The following MCHR2 variants were observed in gnomAD, a reference collection of about 807,000 sequenced individuals.
The protein encoded by MCHR2 is melanin-concentrating hormone receptor 2.
MCHR2 carries 15 observed loss-of-function variants against 24.8 expected under a neutral mutation model. The ratio of observed to expected loss-of-function variants is 0.60; its 90% CI spans 0.40 to 0.93. MCHR2 has a LOEUF of 0.93. Among genes scored for constraint, MCHR2 ranks in the 40% least tolerant of loss-of-function variants. The probability of loss-of-function intolerance (pLI) is 0.00; values close to 1 mark genes in which losing one functional copy is unlikely to be tolerated. For synonymous variants in MCHR2, 151 were observed against 147.6 expected, an observed-to-expected ratio of 1.02 and a Z score of -0.17; for missense variants, 386 against 408.7, an observed-to-expected ratio of 0.94 and a Z score of 0.48.
intron 2 of MCHR2, among the ~76,000 whole-genome samples, chr6:99,949,734 C>T (rs766466546): frequency 3.9e-5 from 6 of 151,972 alleles, no homozygotes; most frequent in Non-Finnish European, 7.4e-5. Flanking sequence ...GAGCTTGGTG[C>T]CTCACACCAG....
At chr6:99,976,494 C>T (rs1266064525) in intron 1 of MCHR2, among the ~76,000 whole-genome samples, 1 of 152,218 alleles carries the variant, frequency 6.6e-6, no homozygotes, top group African/African-American at 2.4e-5. Flanking sequence ...AGCAGAACTG[C>T]TGTAGGCCCT....
intron 1 of MCHR2, among the ~76,000 whole-genome samples, chr6:99,990,554 A>T (rs1462603765): frequency 1.3e-5 from 2 of 152,212 alleles, no homozygotes; most frequent in East Asian, 3.8e-4. Context: ...AATGTACGGT[A>T]AAGTTATTTG....
intron 1 of MCHR2, among the ~76,000 whole-genome samples, chr6:99,970,548 A>C (rs905576451): frequency 6.6e-6 from 1 of 152,160 alleles, no homozygotes; most frequent in African/African-American, 2.4e-5. Flanking sequence ...TTTGCTGTGC[A>C]GAAGCTCTTT....
rs3038469 is a variant in MCHR2 at position 99,991,808 on chromosome 6, C to CAAAAAAAA, written c.-28+2120_-28+2127dup. ...TGGGTGACAGAGTGAGACTCCGTCT[C>CAAAAAAAA]AAAAAAAAAAAAAAAAAAGAAAAGA... is the stretch of plus-strand genomic sequence containing the variant. On this transcript the variant is annotated intron_variant, in intron 1 of 5. Transcript: ENST00000281806. 4.2e-3 allele frequency among the ~76,000 whole-genome samples: 346 copies of CAAAAAAAA among 81,826 alleles called. 12 individuals carry two copies. Among genetic ancestry groups the CAAAAAAAA allele is most frequent in the Middle Eastern group, 9.3e-3 (1 of 108 alleles). The allele number at this position is 81,826 out of a possible 152,430, so 53.7% of individuals were successfully genotyped here.
intron 5 of MCHR2, among the ~76,000 whole-genome samples, chr6:99,928,878 A>G (rs1208441306): frequency 6.6e-6 from 1 of 152,146 alleles, no homozygotes; most frequent in Non-Finnish European, 1.5e-5. Context: ...GCCTTCTGCT[A>G]GCTTTTGAAT....
chr6:99,973,625 C>G (rs1430912130), intron 1 of MCHR2, among the ~76,000 whole-genome samples: 2 of 152,152 alleles, frequency 1.3e-5, no homozygotes, highest in South Asian at 4.1e-4. Context: ...GGTTATTTTG[C>G]TCATTAGTTG....
intron 5 of MCHR2, among the ~76,000 whole-genome samples, 157 bp from the exon 6 acceptor site, chr6:99,921,412 C>G (rs570390436): frequency 6.6e-6 from 1 of 152,074 alleles, no homozygotes; most frequent in Non-Finnish European, 1.5e-5. Context: ...GTGATATATT[C>G]TTTTTTATTC....
chr6:99,934,751 A>G (rs1470263100), intron 4 of MCHR2, among the ~76,000 whole-genome samples: 1 of 152,062 alleles, frequency 6.6e-6, no homozygotes, highest in Non-Finnish European at 1.5e-5. Context: ...CCCAACTCTA[A>G]TGAGTGTAGA....
chr6:99,966,727 G>T (rs928733607), intron 1 of MCHR2, among the ~76,000 whole-genome samples: 2 of 152,000 alleles, frequency 1.3e-5, no homozygotes, highest in African/African-American at 2.4e-5. Context: ...AAAAGTTTAA[G>T]CATTAGTATT....
chr6:99,934,570 AATT>A, intron 4 of MCHR2, 53 bp from the exon 5 acceptor site: 3 of 1,449,560 alleles, frequency 2.1e-6, no homozygotes, highest in Non-Finnish European at 2.7e-6. Flanking sequence ...CCATTACATT[AATT>A]GGATTAGGAA....
chr6:99,928,413 T>C (rs992847362), intron 5 of MCHR2, among the ~76,000 whole-genome samples: 2 of 152,150 alleles, frequency 1.3e-5, no homozygotes, highest in African/African-American at 4.8e-5. Context: ...GAAGGAATGG[T>C]ACCAGTTCCT....
chr6:99,945,428 A>G (rs552649809), intron 3 of MCHR2, among the ~76,000 whole-genome samples: 2 of 152,168 alleles, frequency 1.3e-5, no homozygotes, highest in East Asian at 3.9e-4. Flanking sequence ...ATATTTATAT[A>G]TTGTTTTTGT....
At chr6:99,989,244 C>T (rs1027867593) in intron 1 of MCHR2, among the ~76,000 whole-genome samples, 2 of 151,876 alleles carry the variant, frequency 1.3e-5, no homozygotes, top group African/African-American at 4.8e-5. Context: ...AGAGCATGAC[C>T]CTGTATCAAA....
chr6:99,957,654 A>G (rs1775091293), intron 1 of MCHR2, among the ~76,000 whole-genome samples: 1 of 152,134 alleles, frequency 6.6e-6, no homozygotes. Context: ...AAGAGAATTT[A>G]GTAAGTTTGC....
At chr6:99,978,292 A>T (rs1775593823) in intron 1 of MCHR2, among the ~76,000 whole-genome samples, 1 of 152,182 alleles carries the variant, frequency 6.6e-6, no homozygotes. Flanking sequence ...GAAGTATTGT[A>T]TTCAATGCAT....
intron 1 of MCHR2, among the ~76,000 whole-genome samples, chr6:99,988,374 A>G (rs1456722597): frequency 6.6e-6 from 1 of 152,172 alleles, no homozygotes; most frequent in African/African-American, 2.4e-5. Flanking sequence ...CCTCATCCTC[A>G]TGTAAGCACA....
chr6:99,957,208 G>A (rs1014894729), intron 1 of MCHR2, among the ~76,000 whole-genome samples: 2 of 152,050 alleles, frequency 1.3e-5, no homozygotes, highest in Non-Finnish European at 2.9e-5. Flanking sequence ...CTGAGGCTGG[G>A]GAATCTTACA....
chr6:99,933,966 C>G (rs1455942768), intron 5 of MCHR2, among the ~76,000 whole-genome samples: 1 of 151,844 alleles, frequency 6.6e-6, no homozygotes, highest in Non-Finnish European at 1.5e-5. Context: ...ATTAATAAAA[C>G]CCTTCCTTTA....
chr6:99,941,671 G>A (rs1000489466), intron 4 of MCHR2, among the ~76,000 whole-genome samples: 35 of 152,112 alleles, frequency 2.3e-4, no homozygotes, highest in African/African-American at 8.2e-4. Flanking sequence ...TGAGAAGTTG[G>A]CAGACTGCAA....
Sources: allele counts gnomAD v4.1 joint callset (sites outside exome capture counted in the v4.1 genomes callset), GRCh38; gene constraint gnomAD v4.1.1; transcripts MANE v1.5; gene names NCBI Gene and HGNC (gene_info 2026-07-23, HGNC 2026-07-21).